The following SEMA3D variants were observed in gnomAD, a reference collection of about 807,000 sequenced individuals.
SEMA3D encodes semaphorin-3D.
Under a neutral mutation model 100.1 loss-of-function variants are expected in SEMA3D, and 84 were observed. The ratio of observed to expected loss-of-function variants is 0.84; its 90% confidence interval spans 0.70 to 1.01. The LOEUF is 1.01. SEMA3D is among the 50% of genes least tolerant of loss of function. The pLI, the probability that SEMA3D is intolerant of heterozygous loss-of-function variation, is 0.00. For missense variants in SEMA3D, 875 were observed against 934.1 expected (o/e 0.94, Z 0.82); for synonymous variants, 312 against 320.7 (o/e 0.97, Z 0.29).
intron 8 of SEMA3D, among the ~76,000 whole-genome samples, chr7:85,061,125 C>A (rs1003500091): frequency 6.6e-6 from 1 of 151,942 alleles, no homozygotes; most frequent in Non-Finnish European, 1.5e-5. Context: ...TTTAGAAATG[C>A]CCATAAAAAT....
chr7:85,098,475 T>A (rs1583920546), intron 3 of SEMA3D, among the ~76,000 whole-genome samples: 2 of 152,016 alleles, frequency 1.3e-5, no homozygotes, highest in African/African-American at 4.8e-5. Flanking sequence ...TCAAATCAAG[T>A]GTATCATAAA....
At chr7:85,117,108 C>T (rs1011486009) in intron 3 of SEMA3D, among the ~76,000 whole-genome samples, 2 of 152,078 alleles carry the variant, frequency 1.3e-5, no homozygotes, top group African/African-American at 4.8e-5. Flanking sequence ...TCTGAAGCTA[C>T]GTATAAAAAG....
the SEMA3D span, among the ~76,000 whole-genome samples, chr7:85,236,538 T>G: frequency 6.6e-6 from 1 of 151,462 alleles, no homozygotes; most frequent in Non-Finnish European, 1.5e-5. Context: ...GATCTCTTGA[T>G]TTCATGATCT....
Position 85,042,216 on chromosome 7 carries a change from A to C in SEMA3D, c.931T>G (p.Ser311Ala). 3.7e-6 allele frequency: 6 copies of C among 1,613,674 alleles called. No homozygotes were observed. Among genetic ancestry groups the C allele is most frequent in the Non-Finnish European group, 5.1e-6 (6 of 1,179,690 alleles). Residue 311 changes from serine (S) to alanine (A), a missense_variant, in exon 10 of 19, where the codon TCA becomes GCA. Transcript: ENST00000284136. The part of the protein sequence containing the change: ...TTFLKARLIC[S>A]IPGSDGADTY... ...TCTGCCCCATCACTTCCAGGAATTG[A>C]GCAAATCAGTCTGGCCTTAAGAAAA...
intron 4 of SEMA3D, among the ~76,000 whole-genome samples, chr7:85,090,630 G>A (rs1788357021): frequency 6.6e-6 from 1 of 152,088 alleles, no homozygotes; most frequent in African/African-American, 2.4e-5. Context: ...CTATGTAATA[G>A]ACTTCTTAGA....
chr7:85,193,988 T>C, the SEMA3D span, among the ~76,000 whole-genome samples: 4 of 152,110 alleles, frequency 2.6e-5, no homozygotes. Context: ...GTGATCAGTA[T>C]GCCAAGGGTT....
At chr7:85,190,438 G>A (rs981563950), upstream of SEMA3D, among the ~76,000 whole-genome samples, 8 of 152,162 alleles carry the variant, frequency 5.3e-5, no homozygotes, top group African/African-American at 1.2e-4. Context: ...GAAAATCGGC[G>A]TGTATGTTAA....
At chr7:85,183,185 T>C (rs1449002221) in intron 1 of SEMA3D, among the ~76,000 whole-genome samples, 4 of 152,144 alleles carry the variant, frequency 2.6e-5, no homozygotes, top group Non-Finnish European at 4.4e-5. Flanking sequence ...GTTAACACAG[T>C]AAACAGACAC....
At chr7:85,096,746 C>A (rs1788565753) in intron 4 of SEMA3D, among the ~76,000 whole-genome samples, 1 of 151,678 alleles carries the variant, frequency 6.6e-6, no homozygotes, top group African/African-American at 2.4e-5. Flanking sequence ...GACTAAAGCC[C>A]TGAGAACAAA....
chr7:85,003,617 A>G (rs1368564951), intron 18 of SEMA3D, among the ~76,000 whole-genome samples: 5 of 148,108 alleles, frequency 3.4e-5, no homozygotes, highest in Admixed American at 2.7e-4. Context: ...ATGTATATGT[A>G]TAACATTAAA....
chr7:85,033,530 T>C (rs1790603089), intron 12 of SEMA3D, among the ~76,000 whole-genome samples: 2 of 152,102 alleles, frequency 1.3e-5, no homozygotes, highest in African/African-American at 4.8e-5. Context: ...ATGTAGTCAT[T>C]TCGATACTTA....
At chr7:85,168,793 G>T (rs1377114267) in intron 1 of SEMA3D, among the ~76,000 whole-genome samples, 3 of 141,378 alleles carry the variant, frequency 2.1e-5, no homozygotes, top group South Asian at 2.2e-4. Context: ...AGGAAGGAAA[G>T]GTGACAAAGA....
chr7:85,247,220 A>G, the SEMA3D span, among the ~76,000 whole-genome samples: 28,049 of 152,048 alleles, frequency 0.18, 2,600 homozygotes, highest in Middle Eastern at 0.24. Flanking sequence ...CACACAAGGT[A>G]AGTCTCACAT....
intron 3 of SEMA3D, among the ~76,000 whole-genome samples, chr7:85,115,163 A>C (rs1789202058): frequency 6.6e-6 from 1 of 152,196 alleles, no homozygotes; most frequent in Non-Finnish European, 1.5e-5. Flanking sequence ...TGACAGGTAA[A>C]TGCCTCAGGA....
At chr7:85,115,604 ATTCTTT>A (rs1789216628) in intron 3 of SEMA3D, among the ~76,000 whole-genome samples, 1 of 151,860 alleles carries the variant, frequency 6.6e-6, no homozygotes, top group Admixed American at 6.6e-5. Context: ...TTTGTTTTCT[ATTCTTT>A]TTCTTTTTAA....
chr7:84,995,570 C>T lies in SEMA3D; in HGVS notation c.*3870G>A, dbSNP rs1789476686. ...ACCAGTAGTTTTTATAATCATAGAACAGTCATGTTTGCATTTTATTATAAT... is the reference window on the plus strand; with the variant it reads ...ACCAGTAGTTTTTATAATCATAGAATAGTCATGTTTGCATTTTATTATAAT... On this transcript the variant is annotated 3_prime_UTR_variant, in exon 19 of 19. Transcript: ENST00000284136. 1 of 151,976 alleles carries T rather than the reference C, an allele frequency of 6.6e-6. No individual in the cohort carries two copies. The highest frequency in any genetic ancestry group is 2.4e-5 in the African/African-American group (1 of 41,410). The allele number at this position is 151,976 out of a possible 1,614,324, so 9.4% of individuals were successfully genotyped here.
At chr7:85,153,262 T>C (rs898338802) in intron 2 of SEMA3D, among the ~76,000 whole-genome samples, 2 of 152,168 alleles carry the variant, frequency 1.3e-5, no homozygotes, top group Non-Finnish European at 2.9e-5. Flanking sequence ...GGGTCAACTG[T>C]ATATAACTAA....
intron 1 of SEMA3D, chr7:85,160,119 G>C (rs934977865): frequency 2.5e-6 from 2 of 806,588 alleles, no homozygotes; most frequent in Non-Finnish European, 3.0e-6. Flanking sequence ...GAGTTTTCAA[G>C]CCTAACAGGA....
At chr7:85,081,491 G>A (rs773473439) in intron 5 of SEMA3D, 26 bp downstream of exon 5, 8 of 1,484,758 alleles carry the variant, frequency 5.4e-6, no homozygotes, top group South Asian at 1.1e-5. Flanking sequence ...GTTTTACAAA[G>A]ATAATTGTTA....
Sources: gnomAD v4.1 joint callset for allele counts (sites outside exome capture counted in the v4.1 genomes callset) on GRCh38, gnomAD v4.1.1 for gene constraint, MANE v1.5 for transcripts, NCBI Gene and HGNC (gene_info 2026-07-23, HGNC 2026-07-21) for gene names.